SORCS3: variants seen among roughly 807,000 people sequenced by gnomAD.
The protein encoded by SORCS3 is VPS10 domain-containing receptor SorCS3.
Under a neutral mutation model 146.3 loss-of-function variants are expected in SORCS3, and 57 were observed. That is an observed-to-expected ratio of 0.39 (90% CI 0.31 to 0.49). The LOEUF (loss-of-function observed/expected upper bound fraction) is 0.49, where lower values mean the gene tolerates loss of function less well. Among genes scored for constraint, SORCS3 ranks in the 20% least tolerant of loss-of-function variants. The probability of loss-of-function intolerance (pLI) is 0.92; values close to 1 mark genes in which losing one functional copy is unlikely to be tolerated. For synonymous variants in SORCS3, 653 were observed against 618.5 expected (o/e 1.06, Z -0.83); for missense variants, 1,341 against 1,575.5 (o/e 0.85, Z 2.52).
intron 5 of SORCS3, among the ~76,000 whole-genome samples, chr10:105,056,845 T>A (rs2055449077): frequency 6.6e-6 from 1 of 152,232 alleles, no homozygotes; most frequent in Non-Finnish European, 1.5e-5. Flanking sequence ...ACACAATACT[T>A]TCTTCCTTTC....
chr10:105,182,622 C>T (rs545432453), intron 14 of SORCS3, among the ~76,000 whole-genome samples: 13 of 152,054 alleles, frequency 8.5e-5, no homozygotes, highest in South Asian at 8.3e-4. Context: ...TGAAGAAGTA[C>T]GATAAATACA....
At chr10:104,961,237 C>G (rs2133635098) in intron 3 of SORCS3, among the ~76,000 whole-genome samples, 1 of 152,240 alleles carries the variant, frequency 6.6e-6, no homozygotes, top group Admixed American at 6.5e-5. Flanking sequence ...CTTGATTTAA[C>G]TCGTTAGATA....
At chr10:105,249,743 G>A (rs534824021) in intron 22 of SORCS3, among the ~76,000 whole-genome samples, 2 of 152,048 alleles carry the variant, frequency 1.3e-5, no homozygotes, top group East Asian at 1.9e-4. Context: ...AAATTTATCC[G>A]GGCATGGTGG....
At chr10:105,132,922 A>G (rs2056031916) in intron 7 of SORCS3, among the ~76,000 whole-genome samples, 1 of 152,256 alleles carries the variant, frequency 6.6e-6, no homozygotes, top group African/African-American at 2.4e-5. Context: ...TTACAATGCC[A>G]GCAAGTTTGC....
At chr10:104,819,486 C>G (rs1164056486) in intron 1 of SORCS3, among the ~76,000 whole-genome samples, 1 of 152,196 alleles carries the variant, frequency 6.6e-6, no homozygotes, top group Non-Finnish European at 1.5e-5. Flanking sequence ...TCTCATATGC[C>G]CACAATACCC....
intron 2 of SORCS3, among the ~76,000 whole-genome samples, chr10:104,895,698 G>T (rs2133586337): frequency 6.6e-6 from 1 of 152,296 alleles, no homozygotes; most frequent in African/African-American, 2.4e-5. Context: ...GGCAAGGAAA[G>T]GGCTCCCTCT....
At chr10:104,699,608 G>A (rs1021046881) in intron 1 of SORCS3, among the ~76,000 whole-genome samples, 9 of 152,116 alleles carry the variant, frequency 5.9e-5, no homozygotes, top group Non-Finnish European at 1.2e-4. Flanking sequence ...TGTGGAAGTA[G>A]GAATATGATG....
intron 4 of SORCS3, among the ~76,000 whole-genome samples, chr10:104,983,600 T>C (rs1394051693): frequency 6.6e-6 from 1 of 152,160 alleles, no homozygotes; most frequent in African/African-American, 2.4e-5. Context: ...TTTCCCTGTG[T>C]ACTTTCATCT....
At chr10:104,888,983 A>G (rs1458233083) in intron 2 of SORCS3, among the ~76,000 whole-genome samples, 1 of 152,202 alleles carries the variant, frequency 6.6e-6, no homozygotes, top group Non-Finnish European at 1.5e-5. Context: ...TAGTGGATGC[A>G]TAAACATTAG....
At chr10:105,197,525 T>C (rs747996808) in intron 14 of SORCS3, among the ~76,000 whole-genome samples, 1 of 152,194 alleles carries the variant, frequency 6.6e-6, no homozygotes, top group African/African-American at 2.4e-5. Flanking sequence ...CTGGTTAATG[T>C]AGAAAAAAAC....
chr10:105,048,573 A>G (rs1158616080), intron 5 of SORCS3, among the ~76,000 whole-genome samples: 2 of 149,196 alleles, frequency 1.3e-5, no homozygotes, highest in Non-Finnish European at 3.0e-5. Context: ...ATTAGGAGAT[A>G]TACCTAATGT....
Position 104,810,376 on chromosome 10 carries a change from A to G in SORCS3, c.628-32416A>G, listed in dbSNP as rs548131984. On this transcript the variant is annotated intron_variant, in intron 1 of 26. Coordinates refer to ENST00000369701, the MANE Select transcript of SORCS3 (RefSeq NM_014978.3). ...AAGATTTATATTTAACATTGTCATC[A>G]TATAGTGTGTATATTTTTTAAACAC... is the stretch of plus-strand genomic sequence containing the variant. Among the ~76,000 whole-genome samples the G allele has an allele frequency of 2.0e-5, 3 of 152,336 alleles. No individual in the cohort carries two copies. In the Middle Eastern group the frequency reaches 0.01, roughly 518 times the overall value.
chr10:105,005,124 A>G (rs1413669248), intron 4 of SORCS3, among the ~76,000 whole-genome samples: 1 of 152,210 alleles, frequency 6.6e-6, no homozygotes, highest in Non-Finnish European at 1.5e-5. Flanking sequence ...TGCTAATTAT[A>G]TGAATACCAC....
At chr10:105,017,820 A>C (rs2055176614) in intron 4 of SORCS3, among the ~76,000 whole-genome samples, 1 of 152,186 alleles carries the variant, frequency 6.6e-6, no homozygotes, top group Non-Finnish European at 1.5e-5. Context: ...GAAGGAACTC[A>C]CTGAGATCAT....
intron 2 of SORCS3, among the ~76,000 whole-genome samples, chr10:104,890,311 C>T (rs2018736497): frequency 6.6e-6 from 1 of 152,082 alleles, no homozygotes; most frequent in Non-Finnish European, 1.5e-5. Context: ...TGATGTTGTC[C>T]TGCAGCACAC....
intron 1 of SORCS3, among the ~76,000 whole-genome samples, chr10:104,700,943 T>C (rs2016273135): frequency 6.6e-6 from 1 of 152,194 alleles, no homozygotes; most frequent in Admixed American, 6.5e-5. Flanking sequence ...CCAGTTAAAG[T>C]TATTCATACT....
intron 3 of SORCS3, among the ~76,000 whole-genome samples, chr10:104,941,402 C>A (rs780543112): frequency 6.6e-6 from 1 of 152,098 alleles, no homozygotes; most frequent in Admixed American, 6.6e-5. Flanking sequence ...TAGAAAATGT[C>A]TTTCACTTCA....
intron 1 of SORCS3, among the ~76,000 whole-genome samples, chr10:104,792,882 G>C (rs11192190): frequency 6.6e-6 from 1 of 151,974 alleles, no homozygotes; most frequent in African/African-American, 2.4e-5. Flanking sequence ...CACAATGTCT[G>C]TGTTCTTACT....
chr10:105,064,998 C>G (rs73344306), intron 5 of SORCS3, among the ~76,000 whole-genome samples: 8,979 of 152,254 alleles, frequency 0.059, 285 homozygotes, highest in Middle Eastern at 0.088. Context: ...GGAACCTAAC[C>G]TAGTCAGATA....
Sources: gnomAD v4.1 joint callset for allele counts (sites outside exome capture counted in the v4.1 genomes callset) on GRCh38, gnomAD v4.1.1 for gene constraint, MANE v1.5 for transcripts, NCBI Gene and HGNC (gene_info 2026-07-23, HGNC 2026-07-21) for gene names.